UBR1: variants seen among roughly 807,000 people sequenced by gnomAD.
The protein encoded by UBR1 is E3 ubiquitin-protein ligase UBR1.
In UBR1, 102 loss-of-function variants were observed where a neutral mutation model predicts 242.1. The observed-to-expected ratio is 0.42, with a 90% CI of 0.36 to 0.50. UBR1 has a LOEUF of 0.50. Among genes scored for constraint, UBR1 ranks in the 20% least tolerant of loss-of-function variants. The pLI is 0.01. For missense variants in UBR1, 1,772 were observed against 2,101.8 expected (o/e 0.84, Z 3.07); for synonymous variants, 675 against 684.8 (o/e 0.99, Z 0.22).
chr15:43,026,393 G>A (rs2033178380), intron 23 of UBR1, 168 bp downstream of exon 23: 1 of 590,544 alleles, frequency 1.7e-6, no homozygotes, highest in Non-Finnish European at 3.0e-6. Flanking sequence ...TCTGAATATT[G>A]CCTGTATACT....
chr15:43,004,226 C>T (rs959091032), intron 30 of UBR1, among the ~76,000 whole-genome samples: 1 of 151,976 alleles, frequency 6.6e-6, no homozygotes, highest in East Asian at 1.9e-4. Context: ...TCTATGTTTC[C>T]AAGATAATTT....
At chr15:43,076,695 C>T (rs1390021050) in intron 3 of UBR1, among the ~76,000 whole-genome samples, 1 of 140,704 alleles carries the variant, frequency 7.1e-6, no homozygotes, top group Admixed American at 7.0e-5. Context: ...AAGTGAGGAG[C>T]CCCTCCGTCC....
intron 33 of UBR1, among the ~76,000 whole-genome samples, chr15:42,994,381 C>T (rs996341408): frequency 7.6e-5 from 7 of 91,916 alleles, no homozygotes; most frequent in African/African-American, 2.7e-4. Flanking sequence ...GACGCTGTCT[C>T]AAAAAAAAAA....
intron 35 of UBR1, among the ~76,000 whole-genome samples, chr15:42,987,041 C>T (rs919272761): frequency 2.6e-5 from 4 of 152,232 alleles, no homozygotes; most frequent in African/African-American, 7.2e-5. Context: ...AGCTCCTGAG[C>T]GGCGCTTCCT....
At chr15:43,014,270 A>T (rs566105678) in intron 29 of UBR1, among the ~76,000 whole-genome samples, 1 of 152,332 alleles carries the variant, frequency 6.6e-6, no homozygotes, top group South Asian at 2.1e-4. Flanking sequence ...GGCCTCCCAA[A>T]GTGCCGAGAT....
chr15:42,954,739 T>G (rs574477736), intron 44 of UBR1, among the ~76,000 whole-genome samples: 2 of 152,270 alleles, frequency 1.3e-5, no homozygotes, highest in South Asian at 4.1e-4. Context: ...CTAATTTTTT[T>G]TGTATTTTTA....
At chr15:42,994,411 G>A (rs1052825053) in intron 33 of UBR1, among the ~76,000 whole-genome samples, 6 of 146,626 alleles carry the variant, frequency 4.1e-5, no homozygotes, top group Non-Finnish European at 7.5e-5. Context: ...AAAAAAATCC[G>A]TGGGCATTTG....
At chr15:42,978,030 C>G in intron 37 of UBR1, 83 bp from the exon 38 acceptor site, 2 of 1,050,162 alleles carry the variant, frequency 1.9e-6, no homozygotes, top group East Asian at 4.8e-5. Context: ...AACACCTAAA[C>G]CAAACATATA....
chr15:42,968,180 T>A (rs17776339), intron 40 of UBR1, among the ~76,000 whole-genome samples: 2,382 of 152,240 alleles, frequency 0.016, 26 homozygotes, highest in Non-Finnish European at 0.024. Flanking sequence ...CTCCTTTTTT[T>A]AAAATCCAAT....
At chr15:43,072,137 C>T (rs1325189067) in intron 4 of UBR1, among the ~76,000 whole-genome samples, 1 of 152,148 alleles carries the variant, frequency 6.6e-6, no homozygotes, top group African/African-American at 2.4e-5. Context: ...CAGGCATGAG[C>T]CACTGCACCC....
intron 29 of UBR1, among the ~76,000 whole-genome samples, chr15:43,013,857 T>A (rs2032963140): frequency 6.6e-6 from 1 of 152,172 alleles, no homozygotes; most frequent in South Asian, 2.1e-4. Flanking sequence ...AGTTGGCCTC[T>A]CCTCCTCCCC....
In UBR1 at chr15:42,978,806, G is replaced by A. The variant is rs372417800; in HGVS notation, c.4151-859C>T. Among the ~76,000 whole-genome samples the A allele has an allele frequency of 2.1e-4, 31 of 147,344 alleles. No homozygotes were observed. The East Asian group carries it at 4.5e-3, about 22-fold the overall frequency. On this transcript the variant is annotated intron_variant, in intron 37 of 46. Coordinates refer to ENST00000290650, the MANE Select transcript of UBR1 (RefSeq NM_174916.3). Reference sequence around the variant, plus strand: ...TGCAGTGGCATGATGTCGGCTCACCGCAACCTCCGCCTCCCAGGTTCAAGT... The same window carrying A: ...TGCAGTGGCATGATGTCGGCTCACCACAACCTCCGCCTCCCAGGTTCAAGT...
At chr15:43,009,060 T>G (rs1455408831) in intron 29 of UBR1, among the ~76,000 whole-genome samples, 1 of 152,178 alleles carries the variant, frequency 6.6e-6, no homozygotes, top group Non-Finnish European at 1.5e-5. Context: ...ATGGCAGGAC[T>G]GAAAGAGCTA....
At chr15:42,948,331 G>C (rs1466818512) in intron 46 of UBR1, among the ~76,000 whole-genome samples, 1 of 151,938 alleles carries the variant, frequency 6.6e-6, no homozygotes, top group Non-Finnish European at 1.5e-5. Flanking sequence ...AAAAACCCTA[G>C]AAGAAAACCT....
Position 42,976,809 on chromosome 15 carries a change from G to A in UBR1, c.4277C>T (p.Pro1426Leu). The change falls in exon 39 of 47, where the codon CCT becomes CTT. Residue 1426 changes from proline to leucine, a missense_variant. Physicochemically the swap from Pro to Leu is moderately conservative, Grantham distance 98 (BLOSUM62 -3). Around this residue, in one of 3 missense-constraint regions of UBR1, gnomAD observed 965 missense variants for 1,079.7 expected, o/e 0.89. Coordinates refer to ENST00000290650, the MANE Select transcript of UBR1 (RefSeq NM_174916.3). ...LYWDDPVDLQ[P>L]SSVSSSYNHL... ...GTTATAGGAAGAACTAACTGAAGAAGGCTGCAGATCAACAGGGTCATCCCA... is the reference window on the plus strand; with the variant it reads ...GTTATAGGAAGAACTAACTGAAGAAAGCTGCAGATCAACAGGGTCATCCCA... 6.2e-6 allele frequency: 10 copies of A among 1,614,064 alleles called. No individual in the cohort carries two copies. Among genetic ancestry groups the A allele is most frequent in the Non-Finnish European group, 8.5e-6 (10 of 1,179,998 alleles).
At chr15:43,059,612 T>C in intron 8 of UBR1, 90 bp downstream of exon 8, 5 of 1,458,854 alleles carry the variant, frequency 3.4e-6, no homozygotes, top group Non-Finnish European at 4.6e-6. Flanking sequence ...AAAGAAAAAC[T>C]TTATTTCATA....
chr15:43,036,680 C>G lies in UBR1; in HGVS notation c.2023-87G>C, dbSNP rs140378156. Reference sequence around the variant, plus strand: ...AGAAAACCTATCCTTAAAACTTTCTCTAAGCTAGAAACCCCTCAAAATCCT... The same window carrying G: ...AGAAAACCTATCCTTAAAACTTTCTGTAAGCTAGAAACCCCTCAAAATCCT... On this transcript the variant is annotated intron_variant, in intron 17 of 46. Coordinates refer to ENST00000290650, the MANE Select transcript of UBR1 (RefSeq NM_174916.3). The G allele has an allele frequency of 4.1e-3, 3,847 of 949,664 alleles. 18 individuals carry two copies. The highest frequency in any genetic ancestry group is 5.0e-3 in the Non-Finnish European group (3,034 of 602,410). The allele number at this position is 949,664 out of a possible 1,614,324, so 58.8% of individuals were successfully genotyped here.
At chr15:43,001,010 T>A (rs1162019538) in intron 32 of UBR1, among the ~76,000 whole-genome samples, 1 of 152,096 alleles carries the variant, frequency 6.6e-6, no homozygotes, top group Non-Finnish European at 1.5e-5. Context: ...ATTTTTGTAT[T>A]CTTAGTAGAG....
intron 3 of UBR1, among the ~76,000 whole-genome samples, chr15:43,077,541 A>G (rs991865468): frequency 6.6e-6 from 1 of 151,130 alleles, no homozygotes; most frequent in African/African-American, 2.4e-5. Flanking sequence ...TGCCTAGGAA[A>G]ACCAGAGACC....
Sources: gnomAD v4.1 joint callset for allele counts (sites outside exome capture counted in the v4.1 genomes callset) on GRCh38, gnomAD v4.1.1 for gene constraint, gnomAD v4.1.1 regional missense constraint, MANE v1.5 for transcripts, NCBI Gene and HGNC (gene_info 2026-07-23, HGNC 2026-07-21) for gene names.